Variants in ADGRG6 observed in about 807,000 individuals in gnomAD.
ADGRG6 encodes the protein adhesion G protein-coupled receptor G6.
ADGRG6 carries 84 observed loss-of-function variants against 142.4 expected under a neutral mutation model. The ratio of observed to expected loss-of-function variants is 0.59; its 90% CI spans 0.49 to 0.71. ADGRG6 has a LOEUF of 0.71. ADGRG6 is among the 30% of genes least tolerant of loss of function. The pLI is 0.00. For synonymous variants in ADGRG6, 521 were observed against 520.5 expected, an observed-to-expected ratio of 1.00 and a Z score of -0.01; for missense variants, 1,367 against 1,466.6, an observed-to-expected ratio of 0.93 and a Z score of 1.11.
intron 6 of ADGRG6, among the ~76,000 whole-genome samples, chr6:142,388,561 C>CT (rs1336644524): frequency 1.3e-5 from 2 of 152,024 alleles, no homozygotes; most frequent in Non-Finnish European, 2.9e-5. Context: ...ACCCAACTTG[C>CT]TGAACATCAT....
chr6:142,343,904 G>A (rs1395805107), intron 2 of ADGRG6, among the ~76,000 whole-genome samples: 4 of 151,862 alleles, frequency 2.6e-5, no homozygotes, highest in African/African-American at 7.2e-5. Context: ...AGAAAACTCC[G>A]TAGTATCTAA....
At chr6:142,376,409 GGTT>G (rs1348637465) in intron 4 of ADGRG6, among the ~76,000 whole-genome samples, 1 of 152,090 alleles carries the variant, frequency 6.6e-6, no homozygotes, top group Non-Finnish European at 1.5e-5. Flanking sequence ...TAGCTACTGT[GGTT>G]GTAGAGATAA....
chr6:142,369,076 G>A (rs910479651), intron 3 of ADGRG6, among the ~76,000 whole-genome samples: 1 of 152,092 alleles, frequency 6.6e-6, no homozygotes, highest in South Asian at 2.1e-4. Context: ...ATACTAAAAC[G>A]ATGTTTTATT....
chr6:142,341,545 ATATATAG>A (rs1351024438), intron 2 of ADGRG6, among the ~76,000 whole-genome samples: 3 of 119,712 alleles, frequency 2.5e-5, no homozygotes, highest in Non-Finnish European at 5.0e-5. Context: ...ATAGTATATA[ATATATAG>A]TATATATACT....
At chr6:142,359,802 G>T (rs1780629908) in intron 2 of ADGRG6, among the ~76,000 whole-genome samples, 2 of 152,184 alleles carry the variant, frequency 1.3e-5, no homozygotes, top group South Asian at 4.1e-4. Context: ...GAAGAGACAG[G>T]AAGTGTGAAC....
intron 20 of ADGRG6, among the ~76,000 whole-genome samples, chr6:142,416,857 A>G (rs1324247038): frequency 6.6e-6 from 1 of 152,118 alleles, no homozygotes; most frequent in Non-Finnish European, 1.5e-5. Context: ...CACTTTTTCT[A>G]AAGAGTTTTC....
At chr6:142,395,228 G>A (rs902078011) in intron 9 of ADGRG6, among the ~76,000 whole-genome samples, 3 of 152,102 alleles carry the variant, frequency 2.0e-5, no homozygotes, top group Non-Finnish European at 4.4e-5. Flanking sequence ...TTTATGATAT[G>A]AAAACACAGT....
intron 2 of ADGRG6, among the ~76,000 whole-genome samples, chr6:142,321,942 A>G (rs1310427444): frequency 6.6e-6 from 1 of 152,168 alleles, no homozygotes; most frequent in East Asian, 1.9e-4. Context: ...GGATTTTACT[A>G]TCTATATCGA....
At position 142,445,513 on chromosome 6, in the gene ADGRG6, G is replaced by A. The variant is rs1777936964; in HGVS notation, c.*1998G>A. 6.6e-6 allele frequency: 1 copy of A among 152,100 alleles called. No individual in the cohort carries two copies. The highest frequency in any genetic ancestry group is 2.4e-5 in the African/African-American group (1 of 41,436). 9.4% of individuals were successfully genotyped at this position (152,100 alleles called of 1,614,324 possible). ...CTTAGTCAATAGTAATTAAGATATA[G>A]CTTCAAAAATGGCTTTGCTTTTGAT... On this transcript the variant is annotated 3_prime_UTR_variant, in exon 25 of 25. Transcript: ENST00000367609.
intron 9 of ADGRG6, among the ~76,000 whole-genome samples, chr6:142,394,489 ACT>A (rs1277140259): frequency 6.6e-6 from 1 of 151,796 alleles, no homozygotes; most frequent in African/African-American, 2.4e-5. Context: ...TGTTCAGAGT[ACT>A]GTAAAACAAA....
intron 2 of ADGRG6, among the ~76,000 whole-genome samples, chr6:142,336,799 G>A (rs576123103): frequency 3.9e-5 from 6 of 152,192 alleles, no homozygotes; most frequent in Non-Finnish European, 8.8e-5. Context: ...GTTTGTGAGA[G>A]ATCTTATAAG....
At chr6:142,393,342 T>C (rs1775005622) in intron 8 of ADGRG6, among the ~76,000 whole-genome samples, 2 of 152,164 alleles carry the variant, frequency 1.3e-5, no homozygotes, top group Admixed American at 6.5e-5. Flanking sequence ...TGGTTGTGTG[T>C]ACCCATTTCA....
chr6:142,327,678 T>C (rs1778845397), intron 2 of ADGRG6, among the ~76,000 whole-genome samples: 1 of 152,156 alleles, frequency 6.6e-6, no homozygotes, highest in Non-Finnish European at 1.5e-5. Context: ...CAGCTATTTC[T>C]ATAAAGGGTA....
intron 14 of ADGRG6, 135 bp downstream of exon 14, chr6:142,404,108 C>T: frequency 1.4e-6 from 1 of 694,124 alleles, no homozygotes. Flanking sequence ...CTAAGTTTAA[C>T]TAGAGCAGTA....
intron 18 of ADGRG6, among the ~76,000 whole-genome samples, chr6:142,413,946 C>T (rs1276811704): frequency 6.8e-6 from 1 of 147,772 alleles, no homozygotes; most frequent in Non-Finnish European, 1.5e-5. Flanking sequence ...CAACTTAAGG[C>T]CTGTGTGTGA....
At chr6:142,345,110 C>T (rs1399183092) in intron 2 of ADGRG6, among the ~76,000 whole-genome samples, 1 of 151,940 alleles carries the variant, frequency 6.6e-6, no homozygotes, top group Non-Finnish European at 1.5e-5. Context: ...ATGTGAGGAA[C>T]ATTTATTTTG....
At chr6:142,387,238 T>A (rs1158497445) in intron 6 of ADGRG6, among the ~76,000 whole-genome samples, 1 of 152,188 alleles carries the variant, frequency 6.6e-6, no homozygotes, top group Admixed American at 6.5e-5. Flanking sequence ...AATCATATCT[T>A]CTCTGCTCAA....
intron 7 of ADGRG6, among the ~76,000 whole-genome samples, chr6:142,391,665 T>C (rs962083869): frequency 1.3e-5 from 2 of 151,818 alleles, no homozygotes; most frequent in Admixed American, 1.3e-4. Context: ...TTTTTGGGAA[T>C]GCCACATTGA....
chr6:142,341,602 T>A (rs1293982065), intron 2 of ADGRG6, among the ~76,000 whole-genome samples: 3 of 128,546 alleles, frequency 2.3e-5, no homozygotes, highest in Non-Finnish European at 4.8e-5. Context: ...ATATATTATA[T>A]ATACTATATA....
Sources: gnomAD v4.1 joint callset for allele counts (sites outside exome capture counted in the v4.1 genomes callset) on GRCh38, gnomAD v4.1.1 for gene constraint, MANE v1.5 for transcripts, NCBI Gene and HGNC (gene_info 2026-07-23, HGNC 2026-07-21) for gene names.